Variants in SPATA1 observed in about 807,000 individuals in gnomAD.
SPATA1 encodes the protein spermatogenesis associated 1, also known as spermatogenesis-associated protein 1.
A neutral mutation model predicts 59.6 loss-of-function variants in SPATA1; 57 were observed. That is an observed-to-expected ratio of 0.96 (90% CI 0.77 to 1.19). SPATA1 has a LOEUF of 1.19. Ranked by LOEUF, SPATA1 falls within the 50% of genes most tolerant of loss-of-function variation. The pLI is 0.00. For missense variants in SPATA1, 448 were observed against 480.7 expected (o/e 0.93, Z 0.64); for synonymous variants, 147 against 163.9 (o/e 0.90, Z 0.79).
At position 84,520,321 on chromosome 1, in the gene SPATA1, A is replaced by G. The variant is rs565670679; in HGVS notation, c.37-264A>G. The G allele has an allele frequency of 3.8e-5, 12 of 317,560 alleles. No individual in the cohort carries two copies. In the South Asian group the frequency reaches 6.4e-4, roughly 17 times the overall value. 19.7% of individuals were successfully genotyped at this position (317,560 alleles called of 1,614,324 possible). A position where few individuals can be genotyped will look rare whatever the true frequency, so the allele number is the denominator to read the frequency against. ...AGGATTCTTACTGCAGGCCACAGAAAAAAACACCATATGCCAAAGATGTTG... is the reference window on the plus strand; with the variant it reads ...AGGATTCTTACTGCAGGCCACAGAAGAAAACACCATATGCCAAAGATGTTG... On this transcript the variant is annotated intron_variant, in intron 2 of 12. Coordinates refer to ENST00000490879, the Ensembl canonical transcript of SPATA1.
chr1:84,555,592 G>A (rs1255383979), downstream of SPATA1, among the ~76,000 whole-genome samples: 1 of 152,208 alleles, frequency 6.6e-6, no homozygotes, highest in African/African-American at 2.4e-5. Context: ...CAATGGCAAA[G>A]ATTACAGAAA....
downstream of SPATA1, among the ~76,000 whole-genome samples, chr1:84,556,508 C>T (rs1393484419): frequency 1.3e-5 from 2 of 151,226 alleles, no homozygotes; most frequent in East Asian, 1.9e-4. Context: ...GTCGAGAGAT[C>T]GAGACCATCC....
intron 10 of SPATA1, among the ~76,000 whole-genome samples, chr1:84,547,084 G>T (rs1046462207): frequency 9.2e-5 from 14 of 152,192 alleles, no homozygotes; most frequent in Admixed American, 9.2e-4. Flanking sequence ...GAAGGTTATA[G>T]ACAATGTCAG....
At chr1:84,524,662 T>C (rs372935145) in intron 4 of SPATA1, among the ~76,000 whole-genome samples, 22 of 152,292 alleles carry the variant, frequency 1.4e-4, no homozygotes, top group African/African-American at 5.3e-4. Context: ...TGCACTTGCC[T>C]AGAAATCACT....
downstream of SPATA1, among the ~76,000 whole-genome samples, chr1:84,558,513 G>A (rs544934461): frequency 6.6e-6 from 1 of 150,420 alleles, no homozygotes; most frequent in African/African-American, 2.4e-5. Context: ...GGATGGTCTC[G>A]ATCTCCTGAC....
At chr1:84,543,175 GACAA>G (rs1407698730) in intron 8 of SPATA1, among the ~76,000 whole-genome samples, 5 of 152,076 alleles carry the variant, frequency 3.3e-5, no homozygotes, top group Non-Finnish European at 7.4e-5. Flanking sequence ...CTAACTGTAA[GACAA>G]ACAAAATAGA....
At chr1:84,551,430 G>A in intron 12 of SPATA1, 1 of 415,892 alleles carries the variant, frequency 2.4e-6, no homozygotes, top group Non-Finnish European at 3.2e-6. Context: ...GAACTTATGT[G>A]ATGATAGAAA....
chr1:84,540,303 T>C (rs1002924138), intron 8 of SPATA1, among the ~76,000 whole-genome samples: 4 of 152,192 alleles, frequency 2.6e-5, no homozygotes, highest in Admixed American at 2.0e-4. Flanking sequence ...TGGGTTTTTT[T>C]CGTCTTGGTA....
intron 4 of SPATA1, among the ~76,000 whole-genome samples, chr1:84,559,905 T>C (rs1342068154): frequency 6.6e-6 from 1 of 151,460 alleles, no homozygotes; most frequent in Non-Finnish European, 1.5e-5. Context: ...GCCTACATAG[T>C]GAAACCCCAT....
chr1:84,517,682 C>G (rs1682855708), intron 2 of SPATA1, among the ~76,000 whole-genome samples: 1 of 152,028 alleles, frequency 6.6e-6, no homozygotes, highest in Non-Finnish European at 1.5e-5. Flanking sequence ...TTCTTTCAAA[C>G]TCCACTTCCA....
At chr1:84,520,562 G>A (rs778930509) in intron 2 of SPATA1, 23 bp from the exon 3 acceptor site, 34 of 1,331,748 alleles carry the variant, frequency 2.6e-5, no homozygotes, top group Admixed American at 5.8e-5. Flanking sequence ...TATTTTAACC[G>A]ATGTTCTTCT....
chr1:84,544,222 C>A, exon 9 of SPATA1: 2 of 1,599,910 alleles, frequency 1.3e-6, no homozygotes, highest in Non-Finnish European at 1.7e-6. Context: ...AAGAGTACAT[C>A]ACCCTACCAG....
chr1:84,563,413 A>G, intron 4 of SPATA1: 5 of 1,517,336 alleles, frequency 3.3e-6, no homozygotes, highest in Non-Finnish European at 3.5e-6. Context: ...TGGTACAAAC[A>G]TGATCCTAGA....
intron 10 of SPATA1, 34 bp from the exon 11 acceptor site, chr1:84,548,752 T>C (rs745565413): frequency 0.057 from 1,128 of 19,692 alleles, 2 homozygotes; most frequent in Admixed American, 0.097. Flanking sequence ...GGCCTTTCCT[T>C]TTTTTTTTTT....
intron 10 of SPATA1, among the ~76,000 whole-genome samples, chr1:84,548,434 TTATA>T (rs34658102): frequency 1.3e-5 from 2 of 148,264 alleles, no homozygotes; most frequent in South Asian, 4.2e-4. Flanking sequence ...TGTTATAGTT[TTATA>T]TATGTTATAG....
chr1:84,548,864 GAGA>G (rs747344563), exon 11 of SPATA1: 2 of 1,588,092 alleles, frequency 1.3e-6, no homozygotes, highest in Non-Finnish European at 8.6e-7. Flanking sequence ...ACAAAACTTC[GAGA>G]AGATTTGGAA....
At chr1:84,542,534 TA>T (rs1683945713) in intron 8 of SPATA1, among the ~76,000 whole-genome samples, 1 of 152,158 alleles carries the variant, frequency 6.6e-6, no homozygotes, top group Non-Finnish European at 1.5e-5. Context: ...CCACTTCAGG[TA>T]GAGCCCTCTC....
chr1:84,553,257 TA>T, exon 13 of SPATA1: 1 of 524,048 alleles, frequency 1.9e-6, no homozygotes, highest in Non-Finnish European at 3.3e-6. Context: ...TCCATGTGGG[TA>T]TTACAAAATG....
At chr1:84,516,719 C>G (rs1156630199) in intron 2 of SPATA1, among the ~76,000 whole-genome samples, 1 of 152,166 alleles carries the variant, frequency 6.6e-6, no homozygotes, top group Non-Finnish European at 1.5e-5. Flanking sequence ...ATATTTTTGA[C>G]TCCTTGCCCC....
Sources: gnomAD v4.1 joint callset for allele counts (sites outside exome capture counted in the v4.1 genomes callset) on GRCh38, gnomAD v4.1.1 for gene constraint, MANE v1.5 for transcripts, NCBI Gene and HGNC (gene_info 2026-07-23, HGNC 2026-07-21) for gene names.